SLC25A30: variants seen among roughly 807,000 people sequenced by gnomAD.
SLC25A30 encodes the protein solute carrier family 25 member 30.
SLC25A30 carries 29 observed loss-of-function variants against 42.7 expected under a neutral mutation model. The ratio of observed to expected loss-of-function variants is 0.68; its 90% confidence interval spans 0.51 to 0.93. The LOEUF is 0.93. SLC25A30 is among the 40% of genes least tolerant of loss of function. The probability of loss-of-function intolerance (pLI) is 0.00; values close to 1 mark genes in which losing one functional copy is unlikely to be tolerated. For missense variants in SLC25A30, 300 were observed against 359.7 expected (o/e 0.83, Z 1.34); for synonymous variants, 124 against 131.0 (o/e 0.95, Z 0.37).
intron 9 of SLC25A30, 41 bp downstream of exon 9, chr13:45,397,217 G>C: frequency 2.4e-6 from 3 of 1,249,914 alleles, no homozygotes; most frequent in Non-Finnish European, 3.5e-6. Flanking sequence ...GTATTCTTTA[G>C]CTGTATCTTT....
chr13:45,396,337 A>G, intron 9 of SLC25A30: 3 of 1,196,364 alleles, frequency 2.5e-6, no homozygotes, highest in Admixed American at 3.7e-5. Context: ...AGAGAGAGAG[A>G]GAGAGAGAGT....
intron 7 of SLC25A30, among the ~76,000 whole-genome samples, chr13:45,400,216 G>A (rs1351609103): frequency 6.6e-6 from 1 of 151,828 alleles, no homozygotes; most frequent in Non-Finnish European, 1.5e-5. Flanking sequence ...AAGTCTAGGA[G>A]TTCAAGACCA....
At chr13:45,398,899 A>G (rs1006848772) in intron 8 of SLC25A30, 41 bp downstream of exon 8, 5 of 1,584,060 alleles carry the variant, frequency 3.2e-6, no homozygotes, top group South Asian at 1.2e-5. Context: ...TCAAAAAAAT[A>G]TATAATTCAC....
At chr13:45,424,410 T>TATATAA in the SLC25A30 span, among the ~76,000 whole-genome samples, 6 of 63,398 alleles carry the variant, frequency 9.5e-5, no homozygotes, top group African/African-American at 3.9e-4. Context: ...TATATAAAAA[T>TATATAA]ATATATAAAT....
At chr13:45,420,229 C>T (rs181749619), upstream of SLC25A30, 3 of 152,280 alleles carry the variant, frequency 2.0e-5, no homozygotes, top group East Asian at 3.9e-4. Flanking sequence ...TCTCTCATTT[C>T]CTTCTCTTGT....
chr13:45,409,081 A>G lies in SLC25A30; in HGVS notation c.65-7T>C. 6.3e-7 allele frequency: 1 copy of G among 1,587,354 alleles called. No individual in the cohort carries two copies. The highest frequency in any genetic ancestry group is 8.6e-7 in the Non-Finnish European group (1 of 1,169,332). ...AAATCAATTGGAAATGTACCTTAAA[A>G]TTTAAAAAGAAATTCACTTAATAAA... On this transcript the variant is annotated splice_region_variant and splice_polypyrimidine_tract_variant and intron_variant, in intron 2 of 9. Coordinates refer to ENST00000519676, the MANE Select transcript of SLC25A30 (RefSeq NM_001010875.4).
Position 45,395,017 on chromosome 13 carries a change from AC to A in SLC25A30, c.*956del, listed in dbSNP as rs1206163364. The A allele has an allele frequency of 1.0e-6, 1 of 985,322 alleles. No homozygotes were observed. Among genetic ancestry groups the A allele is most frequent in the Non-Finnish European group, 1.2e-6 (1 of 829,944 alleles). 61.0% of individuals were successfully genotyped at this position (985,322 alleles called of 1,614,324 possible). The stretch of plus-strand genomic sequence containing the variant: ...TTAACAAAGGGCTTCATTCACAATT[AC>A]CATGAGAAGCCCATGAGAACATGCC... On this transcript the variant is annotated 3_prime_UTR_variant, in exon 10 of 10. Coordinates refer to ENST00000519676, the MANE Select transcript of SLC25A30 (RefSeq NM_001010875.4).
intron 1 of SLC25A30, among the ~76,000 whole-genome samples, chr13:45,413,318 T>C (rs1295939742): frequency 5.3e-5 from 8 of 152,334 alleles, no homozygotes; most frequent in African/African-American, 1.9e-4. Context: ...CCTTATTAAA[T>C]TCATAACTCA....
the SLC25A30 span, among the ~76,000 whole-genome samples, chr13:45,424,621 A>C: frequency 9.9e-5 from 7 of 70,552 alleles, no homozygotes. Flanking sequence ...ATATATAAAT[A>C]TATATAAATA....
chr13:45,409,823 A>C (rs761570543), intron 2 of SLC25A30, among the ~76,000 whole-genome samples: 1 of 152,184 alleles, frequency 6.6e-6, no homozygotes, highest in Non-Finnish European at 1.5e-5. Context: ...ATAAAATAAA[A>C]TAAATCTGAT....
At chr13:45,400,031 T>TACACACAC (rs1457320624) in intron 7 of SLC25A30, among the ~76,000 whole-genome samples, 5 of 116,976 alleles carry the variant, frequency 4.3e-5, no homozygotes, top group South Asian at 3.1e-4. Flanking sequence ...TATATATATA[T>TACACACAC]ATACACACAC....
At chr13:45,397,588 C>T (rs917945289) in intron 8 of SLC25A30, 14 of 299,496 alleles carry the variant, frequency 4.7e-5, no homozygotes, top group African/African-American at 2.4e-4. Context: ...CCCAGCTACT[C>T]GGGAGGCTGA....
At chr13:45,423,558 A>T in the SLC25A30 span, among the ~76,000 whole-genome samples, 55 of 112,576 alleles carry the variant, frequency 4.9e-4, 1 homozygote, top group African/African-American at 1.8e-3. Flanking sequence ...ATACATAAAA[A>T]AAATATATAA....
intron 1 of SLC25A30, among the ~76,000 whole-genome samples, chr13:45,417,309 C>A (rs1883619836): frequency 6.6e-6 from 1 of 152,218 alleles, no homozygotes; most frequent in Non-Finnish European, 1.5e-5. Context: ...CCGCTCCCAG[C>A]CGTTTCTCTT....
At chr13:45,432,886 A>G in the SLC25A30 span, among the ~76,000 whole-genome samples, 2 of 151,928 alleles carry the variant, frequency 1.3e-5, no homozygotes, top group African/African-American at 2.4e-5. Context: ...ACAAAAAAAA[A>G]TTAGCTGGGC....
chr13:45,424,476 T>A, the SLC25A30 span, among the ~76,000 whole-genome samples: 2 of 56,890 alleles, frequency 3.5e-5, no homozygotes, highest in African/African-American at 6.8e-5. Flanking sequence ...AATATATAAA[T>A]ATATGTATAT....
chr13:45,417,239 G>A (rs528145472), intron 1 of SLC25A30, among the ~76,000 whole-genome samples: 382 of 152,240 alleles, frequency 2.5e-3, no homozygotes, highest in African/African-American at 8.5e-3. Flanking sequence ...TCGAACTCCT[G>A]ACCTCAGGTG....
chr13:45,423,620 AT>A, the SLC25A30 span, among the ~76,000 whole-genome samples: 7 of 53,362 alleles, frequency 1.3e-4, no homozygotes, highest in African/African-American at 5.4e-4. Context: ...TATATAAAAT[AT>A]ATATATATAA....
In SLC25A30 at chr13:45,394,208, GTC is replaced by G; in HGVS notation, c.*1764_*1765del. 17 of 985,312 alleles carry G rather than the reference GTC, an allele frequency of 1.7e-5. No homozygotes were observed. The highest frequency in any genetic ancestry group is 2.0e-5 in the Non-Finnish European group (17 of 829,902). 61.0% of individuals were successfully genotyped at this position (985,312 alleles called of 1,614,324 possible). On this transcript the variant is annotated 3_prime_UTR_variant, in exon 10 of 10. Transcript: ENST00000519676. Reference sequence around the variant, plus strand: ...CAGGGAGAGCTGGACTTTCATCTGAGTCTCAGCAATTAACAGGTAACCCTACC... The same window carrying G: ...CAGGGAGAGCTGGACTTTCATCTGAGTCAGCAATTAACAGGTAACCCTACC...
Sources: gnomAD v4.1 joint callset for allele counts (sites outside exome capture counted in the v4.1 genomes callset) on GRCh38, gnomAD v4.1.1 for gene constraint, MANE v1.5 for transcripts, NCBI Gene and HGNC (gene_info 2026-07-23, HGNC 2026-07-21) for gene names.